Variants in HSD17B11 observed in about 807,000 individuals in gnomAD.
HSD17B11 encodes the protein estradiol 17-beta-dehydrogenase 11.
A neutral mutation model predicts 27.8 loss-of-function variants in HSD17B11; 22 were observed. That is an observed-to-expected ratio of 0.79 (90% CI 0.56 to 1.13). HSD17B11 has a LOEUF of 1.13. Ranked by LOEUF, HSD17B11 falls within the 50% of genes most tolerant of loss-of-function variation. The pLI, the probability that HSD17B11 is intolerant of heterozygous loss-of-function variation, is 0.00. For synonymous variants in HSD17B11, 117 were observed against 132.8 expected (o/e 0.88, Z 0.82); for missense variants, 314 against 351.1 (o/e 0.89, Z 0.84).
intron 5 of HSD17B11, among the ~76,000 whole-genome samples, chr4:87,357,037 A>G (rs1735399290): frequency 6.6e-6 from 1 of 152,216 alleles, no homozygotes; most frequent in Non-Finnish European, 1.5e-5. Context: ...TCAGGAGAAG[A>G]AAAAAGGAAG....
chr4:87,375,412 T>A (rs1026406560), intron 2 of HSD17B11, among the ~76,000 whole-genome samples: 1 of 152,100 alleles, frequency 6.6e-6, no homozygotes, highest in Non-Finnish European at 1.5e-5. Context: ...CTAAGTAGCA[T>A]TTTTTTTAAA....
chr4:87,388,586 C>G (rs191359183), intron 1 of HSD17B11, among the ~76,000 whole-genome samples: 4 of 152,346 alleles, frequency 2.6e-5, no homozygotes, highest in Middle Eastern at 3.4e-3. Flanking sequence ...GTCAACACTC[C>G]CCTCCTACCC....
rs1553959707 is a variant in HSD17B11 at position 87,370,757 on chromosome 4, T to TA, written c.557+1951_557+1952insT. ...TTATTATTATTATTATTATTATTAT[T>TA]TTTTTTTTTTTTTGAGACGGAGTCT... On this transcript the variant is annotated intron_variant, in intron 4 of 6. Coordinates refer to ENST00000358290, the MANE Select transcript of HSD17B11 (RefSeq NM_016245.5). Among the ~76,000 whole-genome samples, 102 of 12,194 alleles carry TA rather than the reference T, an allele frequency of 8.4e-3. 3 individuals carry two copies. The highest frequency in any genetic ancestry group is 0.027 in the South Asian group (19 of 708). The allele number at this position is 12,194 out of a possible 152,430, so 8.0% of individuals were successfully genotyped here.
intron 4 of HSD17B11, chr4:87,366,213 CTAAAGT>C (rs1409280425): frequency 6.6e-6 from 1 of 152,040 alleles, no homozygotes; most frequent in African/African-American, 2.4e-5. Context: ...AACATATTAG[CTAAAGT>C]TAAAGGGGTA....
intron 1 of HSD17B11, chr4:87,387,226 A>T (rs1325458671): frequency 2.6e-5 from 4 of 152,236 alleles, no homozygotes; most frequent in Admixed American, 6.5e-5. Context: ...GAAGTGATAG[A>T]TTATCACAAA....
chr4:87,357,545 T>G, intron 4 of HSD17B11, 129 bp from the exon 5 acceptor site: 1 of 740,606 alleles, frequency 1.4e-6, no homozygotes. Flanking sequence ...CCAGAGCTAC[T>G]GCATCAGAGC....
At chr4:87,373,499 C>G (rs1735760304) in intron 3 of HSD17B11, among the ~76,000 whole-genome samples, 1 of 152,056 alleles carries the variant, frequency 6.6e-6, no homozygotes, top group Non-Finnish European at 1.5e-5. Flanking sequence ...CACTCGAACC[C>G]AGGAGCTCGA....
At chr4:87,370,752 A>T (rs1344016791) in intron 4 of HSD17B11, among the ~76,000 whole-genome samples, 1,904 of 52,690 alleles carry the variant, frequency 0.036, 86 homozygotes, top group East Asian at 0.07. Context: ...TATTATTATT[A>T]TTATTTTTTT....
At chr4:87,374,916 C>T (rs575257932) in intron 2 of HSD17B11, 86 bp from the exon 3 acceptor site, 28 of 980,274 alleles carry the variant, frequency 2.9e-5, no homozygotes, top group African/African-American at 1.9e-4. Flanking sequence ...TTTTTTGAGA[C>T]GGATTCTTGC....
In HSD17B11 at chr4:87,390,672, A is replaced by C. The variant is rs569653052; in HGVS notation, c.210+189T>G. ...TGGGGCAGTAACTGGGACTATTATAACCTCTAGGTCTGTTTATCATGTGAT... is the reference window on the plus strand; with the variant it reads ...TGGGGCAGTAACTGGGACTATTATACCCTCTAGGTCTGTTTATCATGTGAT... On this transcript the variant is annotated intron_variant, in intron 1 of 6. Transcript: ENST00000358290. 1.5e-4 allele frequency among the ~76,000 whole-genome samples: 23 copies of C among 152,244 alleles called. No individual in the cohort carries two copies. In the South Asian group the frequency reaches 4.8e-3, roughly 32 times the overall value.
chr4:87,374,827 T>C lies in HSD17B11; in HGVS notation c.322A>G (p.Lys108Glu). 1 of 1,566,692 alleles carries C rather than the reference T, an allele frequency of 6.4e-7. No homozygotes were observed. Among genetic ancestry groups the C allele is most frequent in the Non-Finnish European group, 8.7e-7 (1 of 1,155,720 alleles). Reference protein sequence around the residue: ...EDIYSSAKKVKAEIGDVSILV... With the variant: ...EDIYSSAKKVEAEIGDVSILV... ...ATACTAACATCTCCAATTTCTGCCT[T>C]CACCTTCAAAAAATAAAATAAGAAA... is the stretch of plus-strand genomic sequence containing the variant. The change falls in exon 3 of 7, where the codon AAG (lysine) becomes GAG (glutamate). Residue 108 changes from lysine to glutamate, a missense_variant. By Grantham distance (56) the Lys-to-Glu change is moderately conservative. Coordinates refer to ENST00000358290, the MANE Select transcript of HSD17B11 (RefSeq NM_016245.5).
intron 4 of HSD17B11, among the ~76,000 whole-genome samples, chr4:87,364,270 GAA>G (rs34342374): frequency 0.19 from 23,351 of 121,174 alleles, 2,077 homozygotes; most frequent in African/African-American, 0.23. Context: ...CCAGTTTTGG[GAA>G]AAAAAAAAAA....
chr4:87,391,091 T>G lies in HSD17B11; in HGVS notation c.-21A>C, dbSNP rs1578050979. On this transcript the variant is annotated 5_prime_UTR_variant, in exon 1 of 7. Transcript: ENST00000358290. ...TTCATCCCTTTTGTGGCTGCGAGCGTTTGGTGTGTTTTTTTTTTTTTTTAC... is the reference window on the plus strand; with the variant it reads ...TTCATCCCTTTTGTGGCTGCGAGCGGTTGGTGTGTTTTTTTTTTTTTTTAC... 5.2e-6 allele frequency: 8 copies of G among 1,543,956 alleles called. No homozygotes were observed. Among genetic ancestry groups the G allele is most frequent in the Non-Finnish European group, 7.0e-6 (8 of 1,151,046 alleles).
chr4:87,367,154 T>C (rs1209879152), intron 4 of HSD17B11, among the ~76,000 whole-genome samples: 2 of 152,246 alleles, frequency 1.3e-5, no homozygotes, highest in Non-Finnish European at 2.9e-5. Flanking sequence ...AAAATCTGTT[T>C]TCTTTTGTAA....
intron 6 of HSD17B11, among the ~76,000 whole-genome samples, chr4:87,339,429 T>A (rs185449598): frequency 7.8e-4 from 119 of 152,350 alleles, no homozygotes; most frequent in Non-Finnish European, 1.4e-3. Flanking sequence ...AGTTGCCTAT[T>A]AAAATACAGA....
chr4:87,346,601 G>C (rs1489624038), intron 5 of HSD17B11, among the ~76,000 whole-genome samples: 4 of 152,142 alleles, frequency 2.6e-5, no homozygotes, highest in Admixed American at 6.5e-5. Context: ...AGTTAGCTGG[G>C]ATCATGCCAC....
At chr4:87,369,739 G>T (rs1317664967) in intron 4 of HSD17B11, among the ~76,000 whole-genome samples, 2 of 152,064 alleles carry the variant, frequency 1.3e-5, no homozygotes, top group East Asian at 3.9e-4. Flanking sequence ...CCTGGCCCCA[G>T]ATTTTTCTTT....
rs1209374274 is a variant in HSD17B11 at position 87,390,792 on chromosome 4, T to C, written c.210+69A>G. 2.8e-6 allele frequency: 4 copies of C among 1,413,858 alleles called. No individual in the cohort carries two copies. The Admixed American group carries it at 6.8e-5, about 24-fold the overall frequency. 87.6% of individuals were successfully genotyped at this position (1,413,858 alleles called of 1,614,324 possible). On this transcript the variant is annotated intron_variant, in intron 1 of 6. Coordinates refer to ENST00000358290, the MANE Select transcript of HSD17B11 (RefSeq NM_016245.5). ...TTGCAGAGATGAGGTAAAGGGTGGT[T>C]GCCAGCAAAATGCAGACACATCCAC...
At position 87,337,168 on chromosome 4, in the gene HSD17B11, A is replaced by G; in HGVS notation, c.*108T>C. 1 of 751,660 alleles carries G rather than the reference A, an allele frequency of 1.3e-6. No homozygotes were observed. The highest frequency in any genetic ancestry group is 2.3e-6 in the Non-Finnish European group (1 of 426,196). The allele number at this position is 751,660 out of a possible 1,614,324, so 46.6% of individuals were successfully genotyped here. A position where few individuals can be genotyped will look rare whatever the true frequency, so the allele number is the denominator to read the frequency against. On this transcript the variant is annotated 3_prime_UTR_variant, in exon 7 of 7. Transcript: ENST00000358290. ...TGCCAAAGCCTCAAAAATGATATTG[A>G]AGAAATGGGGATAATTAGAAAAAAC...
Sources: gnomAD v4.1 joint callset for allele counts (sites outside exome capture counted in the v4.1 genomes callset) on GRCh38, gnomAD v4.1.1 for gene constraint, MANE v1.5 for transcripts, NCBI Gene and HGNC (gene_info 2026-07-23, HGNC 2026-07-21) for gene names.